The following TAOK1 variants were observed in gnomAD, a reference collection of about 807,000 sequenced individuals.
The protein encoded by TAOK1 is serine/threonine-protein kinase TAO1.
In TAOK1, 21 loss-of-function variants were observed where a neutral mutation model predicts 138.3. That is an observed-to-expected ratio of 0.15 (90% CI 0.11 to 0.22). The LOEUF is 0.22. Among genes scored for constraint, TAOK1 ranks in the 10% least tolerant of loss-of-function variants. TAOK1 has a pLI of 1.00. For missense variants in TAOK1, 651 were observed against 1,227.7 expected (o/e 0.53, Z 7.02); for synonymous variants, 361 against 398.4 (o/e 0.91, Z 1.12).
At chr17:29,508,186 A>G in intron 14 of TAOK1, 54 bp downstream of exon 14, 2 of 1,472,846 alleles carry the variant, frequency 1.4e-6, no homozygotes, top group East Asian at 2.3e-5. Context: ...ATGTCTCAGA[A>G]TTAACCAACA....
intron 13 of TAOK1, among the ~76,000 whole-genome samples, chr17:29,504,573 G>A (rs1315899011): frequency 6.6e-6 from 1 of 152,060 alleles, no homozygotes; most frequent in African/African-American, 2.4e-5. Context: ...GGGAGGCTGA[G>A]GCAGGAGAAT....
At chr17:29,516,501 A>T (rs1272013661) in intron 15 of TAOK1, among the ~76,000 whole-genome samples, 10 of 126,958 alleles carry the variant, frequency 7.9e-5, no homozygotes, top group Non-Finnish European at 1.1e-4. Flanking sequence ...CACCTGGCTA[A>T]TTTTTTTTTT....
intron 9 of TAOK1, among the ~76,000 whole-genome samples, chr17:29,490,820 T>TA (rs1440727982): frequency 2.0e-5 from 3 of 152,168 alleles, no homozygotes; most frequent in Admixed American, 6.5e-5. Flanking sequence ...TCCTCCTACT[T>TA]ACAAGATAGT....
At chr17:29,397,684 C>CATGTATGATACATTTATAT (rs1555555367) in intron 1 of TAOK1, among the ~76,000 whole-genome samples, 1 of 128,116 alleles carries the variant, frequency 7.8e-6, no homozygotes, top group African/African-American at 3.1e-5. Context: ...TACATGTATA[C>CATGTATGATACATTTATAT]ATGTATATTC....
chr17:29,402,719 CTAAT>C (rs1238891959), intron 1 of TAOK1, among the ~76,000 whole-genome samples: 3 of 151,974 alleles, frequency 2.0e-5, no homozygotes, highest in South Asian at 2.1e-4. Flanking sequence ...TATTATGTGA[CTAAT>C]TAAGTATATT....
At position 29,548,405 on chromosome 17, in the gene TAOK1, G is replaced by T. The variant is rs529258454; in HGVS notation, c.*5383G>T. ...CTAAACTTTTTGAAGTTTCAGAGGT[G>T]TATTTTTTTTTTGTATATATGTCTG... On this transcript the variant is annotated 3_prime_UTR_variant, in exon 20 of 20. Coordinates refer to ENST00000261716, the MANE Select transcript of TAOK1 (RefSeq NM_020791.4). 1 of 151,582 alleles carries T rather than the reference G, an allele frequency of 6.6e-6. No homozygotes were observed. The highest frequency in any genetic ancestry group is 1.5e-5 in the Non-Finnish European group (1 of 67,852). The allele number at this position is 151,582 out of a possible 1,614,324, so 9.4% of individuals were successfully genotyped here.
intron 1 of TAOK1, among the ~76,000 whole-genome samples, chr17:29,410,289 T>C (rs1905105263): frequency 6.6e-6 from 1 of 152,158 alleles, no homozygotes; most frequent in African/African-American, 2.4e-5. Context: ...TCGCTCTTGT[T>C]GCCTAAGCTG....
intron 16 of TAOK1, among the ~76,000 whole-genome samples, chr17:29,520,802 G>T (rs2031901652): frequency 6.6e-6 from 1 of 151,838 alleles, no homozygotes; most frequent in Admixed American, 6.6e-5. Context: ...GAGGTGGGCA[G>T]ATCACGAGGT....
chr17:29,492,351 T>C (rs2031311081), intron 10 of TAOK1, among the ~76,000 whole-genome samples: 1 of 152,248 alleles, frequency 6.6e-6, no homozygotes, highest in African/African-American at 2.4e-5. Flanking sequence ...TTGTATTTTG[T>C]TTTTCAAATT....
rs376632750 is a variant in TAOK1, at chr17:29,409,640, G to A, written c.-95+18616G>A. The stretch of plus-strand genomic sequence containing the variant: ...GAGCCACCGCACCCAGCCTATGGAC[G>A]TGTATTTTTATTTCTACTAACCCTA... On this transcript the variant is annotated intron_variant, in intron 1 of 19. Coordinates refer to ENST00000261716, the MANE Select transcript of TAOK1 (RefSeq NM_020791.4). Among the ~76,000 whole-genome samples the A allele has an allele frequency of 6.6e-5, 10 of 152,108 alleles. No individual in the cohort carries two copies. In the South Asian group the frequency reaches 1.0e-3, roughly 16 times the overall value.
chr17:29,433,025 G>T lies in TAOK1; in HGVS notation c.-94-18430G>T, dbSNP rs1424213415. On this transcript the variant is annotated intron_variant, in intron 1 of 19. Coordinates refer to ENST00000261716, the MANE Select transcript of TAOK1 (RefSeq NM_020791.4). ...TCCTCCTGCCTCGGCCTTCGTAAGTGTTGGGATTATAGGCATGAGCCACTG... is the reference window on the plus strand; with the variant it reads ...TCCTCCTGCCTCGGCCTTCGTAAGTTTTGGGATTATAGGCATGAGCCACTG... Among the ~76,000 whole-genome samples the T allele has an allele frequency of 2.0e-5, 3 of 152,186 alleles. No homozygotes were observed. In the East Asian group the frequency reaches 5.8e-4, roughly 29 times the overall value.
At chr17:29,487,447 C>T (rs2031197704) in intron 8 of TAOK1, among the ~76,000 whole-genome samples, 1 of 151,990 alleles carries the variant, frequency 6.6e-6, no homozygotes, top group Admixed American at 6.6e-5. Context: ...GTATTATGTA[C>T]ATGTATATAT....
chr17:29,430,880 A>T (rs1905806240), intron 1 of TAOK1, among the ~76,000 whole-genome samples: 1 of 152,026 alleles, frequency 6.6e-6, no homozygotes, highest in South Asian at 2.1e-4. Flanking sequence ...TAGCTTTTTG[A>T]TGGCCAGGGG....
At chr17:29,491,904 A>G in intron 10 of TAOK1, 39 bp downstream of exon 10, 2 of 1,485,116 alleles carry the variant, frequency 1.3e-6, no homozygotes, top group South Asian at 1.2e-5. Context: ...TTTTATTTTA[A>G]GACAAGGCCT....
chr17:29,423,230 T>A (rs1253089837), intron 1 of TAOK1, among the ~76,000 whole-genome samples: 1 of 149,940 alleles, frequency 6.7e-6, no homozygotes, highest in Non-Finnish European at 1.5e-5. Context: ...TTTTCTTTTT[T>A]TTTTTTTGAG....
intron 15 of TAOK1, chr17:29,514,743 G>A: frequency 6.6e-6 from 1 of 151,814 alleles, no homozygotes; most frequent in Non-Finnish European, 1.5e-5. Context: ...GCTTATAACA[G>A]CACTTTGGGA....
At chr17:29,491,726 T>G (rs1488220807) in intron 9 of TAOK1, 58 bp from the exon 10 acceptor site, 18 of 1,268,250 alleles carry the variant, frequency 1.4e-5, no homozygotes, top group Non-Finnish European at 2.0e-5. Flanking sequence ...TCTTGATTTG[T>G]GAATGTATTT....
At chr17:29,446,022 A>G (rs921114108) in intron 1 of TAOK1, among the ~76,000 whole-genome samples, 4 of 152,106 alleles carry the variant, frequency 2.6e-5, no homozygotes, top group Admixed American at 1.3e-4. Flanking sequence ...TAATTTGTCC[A>G]TTTCATCTGT....
At chr17:29,502,360 G>C (rs2031545573) in intron 12 of TAOK1, among the ~76,000 whole-genome samples, 1 of 152,194 alleles carries the variant, frequency 6.6e-6, no homozygotes, top group Admixed American at 6.5e-5. Flanking sequence ...AGCTTGGGAG[G>C]TTGAAGCTAC....
Sources: allele counts gnomAD v4.1 joint callset (sites outside exome capture counted in the v4.1 genomes callset), GRCh38; gene constraint gnomAD v4.1.1; transcripts MANE v1.5; gene names NCBI Gene and HGNC (gene_info 2026-07-23, HGNC 2026-07-21).